MAGI3: variants seen among roughly 807,000 people sequenced by gnomAD.
MAGI3 encodes the protein membrane-associated guanylate kinase, WW and PDZ domain-containing protein 3.
Under a neutral mutation model 121.8 loss-of-function variants are expected in MAGI3, and 43 were observed. The ratio of observed to expected loss-of-function variants is 0.35; its 90% CI spans 0.28 to 0.46. MAGI3 has a LOEUF of 0.46. Ranked by LOEUF, MAGI3 falls within the 20% of genes least tolerant of loss-of-function variation. MAGI3 has a pLI of 1.00. For missense variants in MAGI3, 1,547 were observed against 1,797.3 expected (o/e 0.86, Z 2.52); for synonymous variants, 553 against 639.3 (o/e 0.86, Z 2.04).
At chr1:113,513,390 C>T (rs1462948055) in intron 1 of MAGI3, among the ~76,000 whole-genome samples, 1 of 152,140 alleles carries the variant, frequency 6.6e-6, no homozygotes, top group Non-Finnish European at 1.5e-5. Flanking sequence ...TACAAGGCTA[C>T]AGTGACCAAA....
chr1:113,541,032 T>C (rs1659268617), intron 1 of MAGI3, among the ~76,000 whole-genome samples: 1 of 152,124 alleles, frequency 6.6e-6, no homozygotes, highest in East Asian at 1.9e-4. Context: ...TCTCTAGCTA[T>C]GATTATAATT....
chr1:113,485,614 G>A (rs1197130558), intron 1 of MAGI3, among the ~76,000 whole-genome samples: 2 of 152,276 alleles, frequency 1.3e-5, no homozygotes, highest in East Asian at 3.9e-4. Context: ...TCTGTGGGTT[G>A]TCAATTAACT....
At chr1:113,601,092 T>C (rs1410659630) in intron 6 of MAGI3, among the ~76,000 whole-genome samples, 4 of 152,022 alleles carry the variant, frequency 2.6e-5, no homozygotes, top group Non-Finnish European at 5.9e-5. Flanking sequence ...AAGACTTAAA[T>C]GTTAGACCTA....
rs1026292000 is a variant in MAGI3 at position 113,672,070 on chromosome 1, A to T, written c.2918+234A>T. On this transcript the variant is annotated intron_variant, in intron 17 of 20. Coordinates refer to ENST00000307546, the MANE Select transcript of MAGI3 (RefSeq NM_001142782.2). ...ATCCCAGGCACAGCATAATTATCCA[A>T]TCTTGCCTGACATGCGAGGATTAGA... Among the ~76,000 whole-genome samples, 3 of 152,050 alleles carry T rather than the reference A, an allele frequency of 2.0e-5. No homozygotes were observed. The East Asian group carries it at 5.8e-4, about 29-fold the overall frequency.
intron 16 of MAGI3, among the ~76,000 whole-genome samples, chr1:113,665,965 G>C (rs1420618811): frequency 6.6e-6 from 1 of 152,180 alleles, no homozygotes; most frequent in Non-Finnish European, 1.5e-5. Context: ...AGTGCATATA[G>C]AAGTTATATT....
intron 4 of MAGI3, among the ~76,000 whole-genome samples, chr1:113,587,415 C>T (rs1057495663): frequency 6.6e-6 from 1 of 152,148 alleles, no homozygotes; most frequent in Non-Finnish European, 1.5e-5. Flanking sequence ...AAGCTGGTCT[C>T]GAACTCCTGG....
chr1:113,645,982 T>C (rs1306498244), intron 11 of MAGI3, among the ~76,000 whole-genome samples: 1 of 152,216 alleles, frequency 6.6e-6, no homozygotes, highest in African/African-American at 2.4e-5. Context: ...GACAGGGTTT[T>C]CACAGTGCCA....
chr1:113,534,403 C>CGA (rs2101645892), intron 1 of MAGI3, among the ~76,000 whole-genome samples: 1 of 152,252 alleles, frequency 6.6e-6, no homozygotes, highest in South Asian at 2.1e-4. Context: ...TCACTCTAGT[C>CGA]ATATAATCCC....
intron 1 of MAGI3, among the ~76,000 whole-genome samples, chr1:113,437,471 G>GT (rs1321204051): frequency 2.0e-5 from 3 of 151,380 alleles, no homozygotes; most frequent in Non-Finnish European, 4.4e-5. Flanking sequence ...GTGTTTTTAA[G>GT]TTTTTTTCTC....
chr1:113,424,319 G>A (rs10458458), intron 1 of MAGI3, among the ~76,000 whole-genome samples: 1 of 151,308 alleles, frequency 6.6e-6, no homozygotes, highest in Admixed American at 6.6e-5. Context: ...GTAGGTTTGT[G>A]TATCTAGCAC....
intron 16 of MAGI3, among the ~76,000 whole-genome samples, chr1:113,659,645 T>A (rs1653677226): frequency 6.6e-6 from 1 of 152,220 alleles, no homozygotes; most frequent in Admixed American, 6.5e-5. Flanking sequence ...ATATCAAGTC[T>A]TTTATGTCAG....
At chr1:113,673,257 C>A in intron 18 of MAGI3, 65 bp from the exon 19 acceptor site, 1 of 1,525,826 alleles carries the variant, frequency 6.6e-7, no homozygotes, top group East Asian at 2.3e-5. Context: ...TAGAAGTAAT[C>A]TTTCTTCAAA....
intron 1 of MAGI3, among the ~76,000 whole-genome samples, chr1:113,517,764 C>T (rs1657999444): frequency 6.6e-6 from 1 of 151,876 alleles, no homozygotes; most frequent in South Asian, 2.1e-4. Context: ...ACTTTTATGT[C>T]CCATAACATG....
At chr1:113,621,289 G>A (rs981210112) in intron 8 of MAGI3, among the ~76,000 whole-genome samples, 2 of 152,208 alleles carry the variant, frequency 1.3e-5, no homozygotes, top group Non-Finnish European at 1.5e-5. Context: ...AGGTTGTAGG[G>A]ATAGGCAGCC....
rs770395481 is a variant in MAGI3, at chr1:113,649,269, C to T, written c.2188C>T (p.Arg730Ter). ...PNTKDLDVFLRKQESGFGFRV... is the reference protein window; with the variant it reads ...PNTKDLDVFL Reference sequence around the variant, plus strand: ...CACCAAAGATTTGGATGTTTTTCTTCGAAAACAAGAGTCAGGGTTTGGCTT... The same window carrying T: ...CACCAAAGATTTGGATGTTTTTCTTTGAAAACAAGAGTCAGGGTTTGGCTT... Residue 730 changes from arginine to a stop codon, truncating the protein, a stop_gained, in exon 13 of 21, where the codon CGA becomes TGA. Coordinates refer to ENST00000307546, the MANE Select transcript of MAGI3 (RefSeq NM_001142782.2). LOFTEE classifies it high-confidence loss of function. 3 of 1,613,298 alleles carry T rather than the reference C, an allele frequency of 1.9e-6. No individual in the cohort carries two copies. Among genetic ancestry groups the T allele is most frequent in the South Asian group, 1.1e-5 (1 of 90,904 alleles).
intron 3 of MAGI3, among the ~76,000 whole-genome samples, chr1:113,584,967 C>CTTTTTTTTTTTTTTTTTTTTTTTTTTT (rs58296325): frequency 7.4e-6 from 1 of 135,724 alleles, no homozygotes; most frequent in African/African-American, 2.8e-5. Flanking sequence ...TAGATATTTC[C>CTTTTTTTTTTTTTTTTTTTTTTTTTTT]TTTTTTTTTT....
chr1:113,675,521 T>C, intron 19 of MAGI3, among the ~76,000 whole-genome samples: 1 of 152,174 alleles, frequency 6.6e-6, no homozygotes, highest in South Asian at 2.1e-4. Flanking sequence ...GGTGTAAATG[T>C]TTAGCAGGCA....
chr1:113,482,282 A>C lies in MAGI3; in HGVS notation c.317-67233A>C, dbSNP rs774543124. 4.1e-4 allele frequency among the ~76,000 whole-genome samples: 62 copies of C among 152,152 alleles called. 1 individual carries two copies. Among genetic ancestry groups the C allele is most frequent in the Middle Eastern group, 3.4e-3 (1 of 294 alleles). On this transcript the variant is annotated intron_variant, in intron 1 of 20. Coordinates refer to ENST00000307546, the MANE Select transcript of MAGI3 (RefSeq NM_001142782.2). Reference sequence around the variant, plus strand: ...TTAGTTTCCCTTTTATACACATGTAAGTCATCCGGTAGTCTTTTGATAGTT... The same window carrying C: ...TTAGTTTCCCTTTTATACACATGTACGTCATCCGGTAGTCTTTTGATAGTT...
chr1:113,662,758 A>C (rs1048622934), intron 16 of MAGI3, among the ~76,000 whole-genome samples: 1 of 152,100 alleles, frequency 6.6e-6, no homozygotes, highest in Admixed American at 6.6e-5. Context: ...GAGTTACGTA[A>C]ATGTTATGGA....
Sources: allele counts gnomAD v4.1 joint callset (sites outside exome capture counted in the v4.1 genomes callset), GRCh38; gene constraint gnomAD v4.1.1; transcripts MANE v1.5; gene names NCBI Gene and HGNC (gene_info 2026-07-23, HGNC 2026-07-21).